The following CEACAM5 variants were observed in gnomAD, a reference collection of about 807,000 sequenced individuals.
The protein encoded by CEACAM5 is CEA cell adhesion molecule 5.
CEACAM5 carries 52 observed loss-of-function variants against 63.0 expected under a neutral mutation model. That is an observed-to-expected ratio of 0.83 (90% CI 0.66 to 1.04). The LOEUF (loss-of-function observed/expected upper bound fraction) is 1.04. CEACAM5 is among the 50% of genes least tolerant of loss of function. The pLI is 0.00. For synonymous variants in CEACAM5, 357 were observed against 351.3 expected (o/e 1.02, Z -0.18); for missense variants, 790 against 864.8 (o/e 0.91, Z 1.08).
At chr19:41,721,415 C>T (rs1345069046) in intron 8 of CEACAM5, among the ~76,000 whole-genome samples, 1 of 152,232 alleles carries the variant, frequency 6.6e-6, no homozygotes, top group African/African-American at 2.4e-5. Context: ...CTCCCTTAGC[C>T]CCAGAAGGCC....
chr19:41,717,740 A>G lies in CEACAM5; in HGVS notation c.1237+7A>G, dbSNP rs1555815329. 5.6e-6 allele frequency: 9 copies of G among 1,613,048 alleles called. No homozygotes were observed. The highest frequency in any genetic ancestry group is 7.6e-6 in the Non-Finnish European group (9 of 1,179,182). ...GTCATCCTGAATGTCCTCTGTGAGTATCTTCTGTTCCTCTGTGGCTCAGGC... is the reference window on the plus strand; with the variant it reads ...GTCATCCTGAATGTCCTCTGTGAGTGTCTTCTGTTCCTCTGTGGCTCAGGC... On this transcript the variant is annotated splice_region_variant and intron_variant, in intron 5 of 9. Transcript: ENST00000221992.
intron 2 of CEACAM5, among the ~76,000 whole-genome samples, chr19:41,711,034 C>A (rs529877621): frequency 1.4e-4 from 21 of 152,326 alleles, no homozygotes; most frequent in Middle Eastern, 6.8e-3. Context: ...ACAGCCCCCT[C>A]CTCTCCTCAA....
chr19:41,718,162 C>A lies in CEACAM5; in HGVS notation c.1272C>A (p.Tyr424Ter). The change falls in exon 6 of 10, where the codon TAC becomes TAA. Residue 424 changes from tyrosine (Y) to a stop codon, truncating the protein, a stop_gained. Transcript: ENST00000221992. LOFTEE classifies it high-confidence loss of function. ...GPDDPTISPS[Y>*]TYYRPGVNLS... ...ACGACCCCACCATTTCCCCCTCATA[C>A]ACCTATTACCGTCCAGGGGTGAACC... 6.2e-7 allele frequency: 1 copy of A among 1,614,212 alleles called. No homozygotes were observed. The highest frequency in any genetic ancestry group is 8.5e-7 in the Non-Finnish European group (1 of 1,180,032).
chr19:41,715,740 C>T lies in CEACAM5; in HGVS notation c.794C>T (p.Pro265Leu), dbSNP rs144819038. The T allele has an allele frequency of 1.0e-3, 1,685 of 1,614,198 alleles. 2 individuals are homozygous for T. Among genetic ancestry groups the T allele is most frequent in the Non-Finnish European group, 1.3e-3 (1,573 of 1,180,030 alleles). ...CTCTCCTGCCACGCAGCCTCTAACC[C>T]ACCTGCACAGTACTCTTGGTTTGTC... ...LNLSCHAASN[P>L]PAQYSWFVNG... Residue 265 changes from proline to leucine, a missense_variant, in exon 4 of 10, where the codon CCA becomes CTA. Physicochemically the swap from Pro to Leu is moderately conservative, Grantham distance 98. Coordinates refer to ENST00000221992, the MANE Select transcript of CEACAM5 (RefSeq NM_004363.6).
chr19:41,727,466 C>G (rs2072716331), intron 9 of CEACAM5, 114 bp downstream of exon 9: 1 of 673,666 alleles, frequency 1.5e-6, no homozygotes, highest in Non-Finnish European at 2.7e-6. Flanking sequence ...TCCTCCTACC[C>G]CCAAGCTCCT....
intron 7 of CEACAM5, among the ~76,000 whole-genome samples, chr19:41,720,492 G>A (rs1381346370): frequency 6.6e-6 from 1 of 150,382 alleles, no homozygotes; most frequent in Non-Finnish European, 1.5e-5. Context: ...TGAGGGTTAT[G>A]GTTTGGACTT....
chr19:41,718,375 A>T lies in CEACAM5; in HGVS notation c.1485A>T (p.Thr495=), dbSNP rs782160472. The change falls in exon 6 of 10, where the codon ACA becomes ACT. Residue 495 remains threonine, a synonymous_variant. Coordinates refer to ENST00000221992, the MANE Select transcript of CEACAM5 (RefSeq NM_004363.6). ...GCAGGACTACAGTCAAGACAATCAC[A>T]GTCTCTGGTAAGTGGATCCCTGGAC... is the stretch of plus-strand genomic sequence containing the variant. ...GHSRTTVKTI[T]VSAELPKPSI... The T allele has an allele frequency of 6.2e-7, 1 of 1,614,140 alleles. No individual in the cohort carries two copies. The highest frequency in any genetic ancestry group is 8.5e-7 in the Non-Finnish European group (1 of 1,179,988).
chr19:41,720,235 C>T (rs1954457089), intron 7 of CEACAM5, 27 bp downstream of exon 7: 3 of 1,605,170 alleles, frequency 1.9e-6, no homozygotes, highest in Non-Finnish European at 1.7e-6. Flanking sequence ...CCTCTGTGGC[C>T]CTGGTTTCCA....
At chr19:41,714,136 A>G (rs1555814471) in intron 2 of CEACAM5, among the ~76,000 whole-genome samples, 3 of 151,904 alleles carry the variant, frequency 2.0e-5, no homozygotes, top group Non-Finnish European at 4.4e-5. Context: ...AATCGCTTGA[A>G]CCCGGGAGGC....
chr19:41,716,397 G>A (rs1450250387), intron 4 of CEACAM5, among the ~76,000 whole-genome samples: 3 of 152,236 alleles, frequency 2.0e-5, no homozygotes, highest in Non-Finnish European at 4.4e-5. Context: ...GCTCCCCTGG[G>A]TGACTGGCCT....
intron 8 of CEACAM5, among the ~76,000 whole-genome samples, chr19:41,724,359 T>A (rs2072669080): frequency 6.6e-6 from 1 of 152,246 alleles, no homozygotes; most frequent in Admixed American, 6.5e-5. Flanking sequence ...CCACACTGTA[T>A]TGATTACTGT....
chr19:41,708,709 G>C lies in CEACAM5; in HGVS notation c.-23G>C. On this transcript the variant is annotated 5_prime_UTR_variant, in exon 1 of 10. Transcript: ENST00000221992. ...AACTCAAGCTCTTCTCCACAGAGGA[G>C]GACAGAGCAGACAGCAGAGACCATG... 6.2e-7 allele frequency: 1 copy of C among 1,605,292 alleles called. No individual in the cohort carries two copies. Among genetic ancestry groups the C allele is most frequent in the African/African-American group, 1.3e-5 (1 of 74,802 alleles).
intron 8 of CEACAM5, among the ~76,000 whole-genome samples, chr19:41,724,867 A>G (rs1289415549): frequency 2.0e-5 from 3 of 152,192 alleles, no homozygotes; most frequent in Non-Finnish European, 2.9e-5. Context: ...AAGTTTTTTA[A>G]TCTTCAGGGT....
chr19:41,712,568 C>G (rs1400311396), intron 2 of CEACAM5, among the ~76,000 whole-genome samples: 1 of 152,178 alleles, frequency 6.6e-6, no homozygotes, highest in Admixed American at 6.5e-5. Context: ...CATCATTTCT[C>G]CCTTTATGTA....
chr19:41,710,089 C>A, intron 2 of CEACAM5, 50 bp downstream of exon 2: 13 of 1,574,048 alleles, frequency 8.3e-6, no homozygotes, highest in Non-Finnish European at 1.1e-5. Context: ...GTTCTACTTC[C>A]CACACACAGG....
Position 41,709,825 on chromosome 19 carries a change from T to G in CEACAM5, c.210T>G (p.Gly70=), listed in dbSNP as rs10402825. ...QHLFGYSWYK[G]ERVDGNRQII... ...TTTTTGGCTACAGCTGGTACAAAGGTGAAAGAGTGGATGGCAACCGTCAAA... is the reference window on the plus strand; with the variant it reads ...TTTTTGGCTACAGCTGGTACAAAGGGGAAAGAGTGGATGGCAACCGTCAAA... The change falls in exon 2 of 10, where the codon GGT becomes GGG. Residue 70 remains glycine (G), a synonymous_variant. Coordinates refer to ENST00000221992, the MANE Select transcript of CEACAM5 (RefSeq NM_004363.6). 193 of 1,613,682 alleles carry G rather than the reference T, an allele frequency of 1.2e-4. No homozygotes were observed. The highest frequency in any genetic ancestry group is 2.5e-4 in the Admixed American group (15 of 59,984).
rs2072548218 is a variant in CEACAM5, at chr19:41,717,629, T to C, written c.1133T>C (p.Leu378Pro). The change falls in exon 5 of 10, where the codon CTC becomes CCC. Residue 378 changes from leucine to proline, a missense_variant. By Grantham distance (98) the Leu-to-Pro change is moderately conservative. Coordinates refer to ENST00000221992, the MANE Select transcript of CEACAM5 (RefSeq NM_004363.6). ...CAGCTGTCCAATGACAACAGGACCC[T>C]CACTCTACTCAGTGTCACAAGGAAT... is the stretch of plus-strand genomic sequence containing the variant. ...RLQLSNDNRT[L>P]TLLSVTRNDV... 6.2e-7 allele frequency: 1 copy of C among 1,614,084 alleles called. No homozygotes were observed. The highest frequency in any genetic ancestry group is 8.5e-7 in the Non-Finnish European group (1 of 1,180,040).
chr19:41,715,362 A>G, intron 3 of CEACAM5, 113 bp downstream of exon 3: 1 of 1,469,858 alleles, frequency 6.8e-7, no homozygotes, highest in South Asian at 1.1e-5. Context: ...AACCCTGGAC[A>G]TCCAGACTGT....
At chr19:41,723,117 T>A (rs2072650938) in intron 8 of CEACAM5, among the ~76,000 whole-genome samples, 1 of 152,126 alleles carries the variant, frequency 6.6e-6, no homozygotes, top group African/African-American at 2.4e-5. Flanking sequence ...TTTCACAGTG[T>A]TAGCCAGGAT....
Sources: gnomAD v4.1 joint callset for allele counts (sites outside exome capture counted in the v4.1 genomes callset) on GRCh38, gnomAD v4.1.1 for gene constraint, MANE v1.5 for transcripts, NCBI Gene and HGNC (gene_info 2026-07-23, HGNC 2026-07-21) for gene names.